The following PCOLCE2 variants were observed in gnomAD, a reference collection of about 807,000 sequenced individuals.
The protein encoded by PCOLCE2 is procollagen C-proteinase enhancer 2.
Under a neutral mutation model 47.0 loss-of-function variants are expected in PCOLCE2, and 42 were observed. The ratio of observed to expected loss-of-function variants is 0.89; its 90% CI spans 0.70 to 1.16. PCOLCE2 has a LOEUF of 1.16. Among genes scored for constraint, PCOLCE2 ranks in the 50% most tolerant of loss-of-function variants. The pLI, the probability that PCOLCE2 is intolerant of heterozygous loss-of-function variation, is 0.00. For missense variants in PCOLCE2, 500 were observed against 526.1 expected (o/e 0.95, Z 0.49); for synonymous variants, 169 against 191.7 (o/e 0.88, Z 0.98).
At position 142,874,428 on chromosome 3, in the gene PCOLCE2, C is replaced by T. The variant is rs116004245; in HGVS notation, c.192+13241G>A. Among the ~76,000 whole-genome samples the T allele has an allele frequency of 6.5e-3, 985 of 152,274 alleles. 6 individuals carry two copies. The highest frequency in any genetic ancestry group is 0.023 in the African/African-American group (942 of 41,548). ...CCCTCACTCTCTGCACGATGTAAGA[C>T]GTGCCTTGTTTCCCCTTCACCTTCC... On this transcript the variant is annotated intron_variant, in intron 2 of 8. Coordinates refer to ENST00000295992, the MANE Select transcript of PCOLCE2 (RefSeq NM_013363.4).
chr3:142,883,859 G>A (rs1194239691), intron 2 of PCOLCE2, among the ~76,000 whole-genome samples: 2 of 152,138 alleles, frequency 1.3e-5, no homozygotes, highest in Non-Finnish European at 2.9e-5. Flanking sequence ...AGCTATTAAC[G>A]GAATGGTGAT....
intron 2 of PCOLCE2, among the ~76,000 whole-genome samples, chr3:142,857,379 T>C (rs569335162): frequency 6.6e-6 from 1 of 152,316 alleles, no homozygotes; most frequent in South Asian, 2.1e-4. Flanking sequence ...ACTGGTTGTC[T>C]TTCACATTTA....
At chr3:142,827,046 A>T in intron 6 of PCOLCE2, 1 of 944,942 alleles carries the variant, frequency 1.1e-6, no homozygotes, top group Middle Eastern at 3.3e-4. Context: ...TATATTGATG[A>T]CTCTTACTTT....
chr3:142,833,580 C>A (rs559782750), intron 5 of PCOLCE2, among the ~76,000 whole-genome samples: 2 of 150,510 alleles, frequency 1.3e-5, no homozygotes, highest in African/African-American at 4.9e-5. Context: ...TTTAAGAATT[C>A]TCTTGTTGAT....
chr3:142,887,927 C>T, intron 1 of PCOLCE2, 150 bp from the exon 2 acceptor site: 1 of 566,864 alleles, frequency 1.8e-6, no homozygotes, highest in Non-Finnish European at 3.1e-6. Context: ...TGAAAATTTG[C>T]TAGCTCCTAG....
intron 8 of PCOLCE2, 103 bp from the exon 9 acceptor site, chr3:142,818,568 G>A (rs1936977278): frequency 1.1e-6 from 1 of 919,240 alleles, no homozygotes; most frequent in Non-Finnish European, 1.8e-6. Flanking sequence ...TTCTGCAAAT[G>A]GTAAGATTAT....
Position 142,818,223 on chromosome 3 carries a change from C to G in PCOLCE2, c.*112G>C. Reference sequence around the variant, plus strand: ...TGAAGAGTCAACCAGTCCCATCTTTCGGAATCCTCTTTCAGAATATGTAAT... The same window carrying G: ...TGAAGAGTCAACCAGTCCCATCTTTGGGAATCCTCTTTCAGAATATGTAAT... On this transcript the variant is annotated 3_prime_UTR_variant, in exon 9 of 9. Coordinates refer to ENST00000295992, the MANE Select transcript of PCOLCE2 (RefSeq NM_013363.4). 1.9e-6 allele frequency: 2 copies of G among 1,047,406 alleles called. No homozygotes were observed. The highest frequency in any genetic ancestry group is 2.8e-6 in the Non-Finnish European group (2 of 708,998). 64.9% of individuals were successfully genotyped at this position (1,047,406 alleles called of 1,614,324 possible). A position where few individuals can be genotyped will look rare whatever the true frequency, so the allele number is the denominator to read the frequency against.
Position 142,820,916 on chromosome 3 carries a change from A to T in PCOLCE2, c.1079T>A (p.Leu360Gln). Residue 360 changes from leucine to glutamine, a missense_variant, in exon 8 of 9, where the codon CTG becomes CAG. Transcript: ENST00000295992. The part of the protein sequence containing the change: ...QQAGKNMSAR[L>Q]TVVCKQCPLL... ...AGGGCACTGCTTGCAGACGACAGTCAGCCTGGCACTCATGTTCTTGCCCGC... is the reference window on the plus strand; with the variant it reads ...AGGGCACTGCTTGCAGACGACAGTCTGCCTGGCACTCATGTTCTTGCCCGC... 6.2e-7 allele frequency: 1 copy of T among 1,613,976 alleles called. No individual in the cohort carries two copies. Among genetic ancestry groups the T allele is most frequent in the Non-Finnish European group, 8.5e-7 (1 of 1,179,860 alleles).
chr3:142,872,292 C>T (rs1933406643), intron 2 of PCOLCE2, among the ~76,000 whole-genome samples: 1 of 152,056 alleles, frequency 6.6e-6, no homozygotes, highest in Admixed American at 6.6e-5. Flanking sequence ...TGTAAATAAC[C>T]CCCCTTGAAT....
chr3:142,818,422 T>A lies in PCOLCE2; in HGVS notation c.1161A>T (p.Arg387=), dbSNP rs1209274763. ...IIMGQVGEDG[R]GKIMPNSFIM... is the part of the protein sequence containing the mutation. ...TAAAGCTGTTTGGCATGATTTTGCC[T>A]CGCCCATCTTCACCTACTTGGCCCA... Residue 387 remains arginine, a synonymous_variant, in exon 9 of 9, where the codon CGA becomes CGT. Coordinates refer to ENST00000295992, the MANE Select transcript of PCOLCE2 (RefSeq NM_013363.4). The A allele has an allele frequency of 6.2e-7, 1 of 1,612,952 alleles. No individual in the cohort carries two copies. The highest frequency in any genetic ancestry group is 1.1e-5 in the South Asian group (1 of 91,048).
At chr3:142,856,540 G>C (rs1933063211) in intron 2 of PCOLCE2, among the ~76,000 whole-genome samples, 2 of 152,182 alleles carry the variant, frequency 1.3e-5, no homozygotes. Context: ...CATTGGGAGG[G>C]TGTTCAGACT....
intron 6 of PCOLCE2, among the ~76,000 whole-genome samples, chr3:142,829,029 C>T (rs959998259): frequency 5.3e-5 from 8 of 152,078 alleles, no homozygotes; most frequent in Admixed American, 2.0e-4. Context: ...CTTTCCTTCC[C>T]GCTTTTCCCC....
chr3:142,856,715 A>T (rs1379384668), intron 2 of PCOLCE2, among the ~76,000 whole-genome samples: 2 of 152,180 alleles, frequency 1.3e-5, no homozygotes, highest in Non-Finnish European at 1.5e-5. Context: ...TAACGTTGAA[A>T]ACGAAGAGTA....
chr3:142,849,877 A>G (rs898538820), intron 2 of PCOLCE2, among the ~76,000 whole-genome samples: 1 of 152,232 alleles, frequency 6.6e-6, no homozygotes, highest in Non-Finnish European at 1.5e-5. Context: ...TGGTAAGTAC[A>G]GTGCCATACG....
rs111623703 is a variant in PCOLCE2, at chr3:142,842,149, G to C, written c.573+775C>G. 3.4e-3 allele frequency among the ~76,000 whole-genome samples: 523 copies of C among 152,282 alleles called. 8 individuals are homozygous for C. Among genetic ancestry groups the C allele is most frequent in the African/African-American group, 0.012 (503 of 41,534 alleles). On this transcript the variant is annotated intron_variant, in intron 4 of 8. Transcript: ENST00000295992. The surrounding 1 kb of genome is among the most constrained non-coding windows in gnomAD (Gnocchi z 4.1). ...CCAGCTTGTTCTTTGAAGAGATAAT[G>C]TGGCTTGCTTTTGTTGGCTTTGTTG... is the stretch of plus-strand genomic sequence containing the variant.
intron 3 of PCOLCE2, among the ~76,000 whole-genome samples, chr3:142,845,488 C>T (rs769817666): frequency 7.2e-5 from 11 of 152,282 alleles, no homozygotes; most frequent in Admixed American, 6.5e-4. Flanking sequence ...GACCTTCATT[C>T]CTTCTGTTAC....
At chr3:142,857,444 G>C (rs1933084462) in intron 2 of PCOLCE2, among the ~76,000 whole-genome samples, 1 of 152,152 alleles carries the variant, frequency 6.6e-6, no homozygotes, top group African/African-American at 2.4e-5. Context: ...TACACTTCTA[G>C]ACAAGACCAC....
At chr3:142,874,662 G>A (rs992335071) in intron 2 of PCOLCE2, among the ~76,000 whole-genome samples, 1 of 152,208 alleles carries the variant, frequency 6.6e-6, no homozygotes, top group Admixed American at 6.5e-5. Context: ...CTGCCCAGAA[G>A]CAGGTGGATG....
At chr3:142,880,282 T>G (rs534461892) in intron 2 of PCOLCE2, among the ~76,000 whole-genome samples, 27 of 151,434 alleles carry the variant, frequency 1.8e-4, no homozygotes, top group African/African-American at 6.1e-4. Context: ...TTTAAGTCTC[T>G]ATATAATTCT....
Sources: allele counts gnomAD v4.1 joint callset (sites outside exome capture counted in the v4.1 genomes callset), GRCh38; gene constraint gnomAD v4.1.1; non-coding constraint Gnocchi (gnomAD v3.1); transcripts MANE v1.5; gene names NCBI Gene and HGNC (gene_info 2026-07-23, HGNC 2026-07-21).